CSNK2A1: variants seen among roughly 807,000 people sequenced by gnomAD.
The protein encoded by CSNK2A1 is casein kinase 2 alpha 1.
A neutral mutation model predicts 62.9 loss-of-function variants in CSNK2A1; 10 were observed. The ratio of observed to expected loss-of-function variants is 0.16; its 90% CI spans 0.10 to 0.27. The LOEUF is 0.27. Among genes scored for constraint, CSNK2A1 ranks in the 10% least tolerant of loss-of-function variants. The pLI is 1.00. For synonymous variants in CSNK2A1, 124 were observed against 167.8 expected, an observed-to-expected ratio of 0.74 and a Z score of 2.02; for missense variants, 160 against 492.0, an observed-to-expected ratio of 0.33 and a Z score of 6.38.
At position 482,184 on chromosome 20, in the gene CSNK2A1, G is replaced by A. The variant is rs536910026; in HGVS notation, c.*1777C>T. 1 of 152,244 alleles carries A rather than the reference G, an allele frequency of 6.6e-6. No homozygotes were observed. The highest frequency in any genetic ancestry group is 1.9e-4 in the East Asian group (1 of 5,188). 9.4% of individuals were successfully genotyped at this position (152,244 alleles called of 1,614,324 possible). ...TATCTATGATGCCTAGGCGAGAAAG[G>A]CCTGTGAATCTATAAGGTAGGAGAA... is the stretch of plus-strand genomic sequence containing the variant. On this transcript the variant is annotated 3_prime_UTR_variant, in exon 14 of 14. Transcript: ENST00000217244.
At chr20:486,312 C>T in intron 13 of CSNK2A1, 64 bp downstream of exon 13, 3 of 1,589,250 alleles carry the variant, frequency 1.9e-6, no homozygotes, top group Admixed American at 3.4e-5. Flanking sequence ...GAAATCAGAC[C>T]ACAAAGCTAA....
chr20:482,811 A>G lies in CSNK2A1; in HGVS notation c.*1150T>C, dbSNP rs1024898281. ...AGCAAGGGGTGGCGGGGCTGTAACA[A>G]GAGAGTTTATAGTTTTCCCACAATT... is the stretch of plus-strand genomic sequence containing the variant. On this transcript the variant is annotated 3_prime_UTR_variant, in exon 14 of 14. Transcript: ENST00000217244. 6.6e-6 allele frequency: 1 copy of G among 152,652 alleles called. No individual in the cohort carries two copies. Among genetic ancestry groups the G allele is most frequent in the South Asian group, 2.1e-4 (1 of 4,832 alleles). The allele number at this position is 152,652 out of a possible 1,614,324, so 9.5% of individuals were successfully genotyped here.
intron 2 of CSNK2A1, among the ~76,000 whole-genome samples, chr20:518,036 G>A (rs989200748): frequency 6.6e-6 from 1 of 152,146 alleles, no homozygotes; most frequent in Non-Finnish European, 1.5e-5. Context: ...CACAATCGTA[G>A]CTCACTGCCA....
At chr20:503,915 C>G (rs112182742) in intron 4 of CSNK2A1, among the ~76,000 whole-genome samples, 2 of 152,198 alleles carry the variant, frequency 1.3e-5, no homozygotes, top group South Asian at 4.1e-4. Flanking sequence ...CAGTGGCTCA[C>G]GCCTGTAATC....
intron 1 of CSNK2A1, among the ~76,000 whole-genome samples, chr20:531,923 A>G (rs2122643823): frequency 6.6e-6 from 1 of 152,360 alleles, no homozygotes; most frequent in Non-Finnish European, 1.5e-5. Context: ...TTAGAAAATA[A>G]GAACTTGAAT....
intron 4 of CSNK2A1, chr20:501,524 T>C (rs2018469645): frequency 2.0e-5 from 3 of 152,244 alleles, no homozygotes; most frequent in Non-Finnish European, 4.4e-5. Flanking sequence ...TCTTAACATA[T>C]AAATCAATAT....
intron 8 of CSNK2A1, among the ~76,000 whole-genome samples, chr20:493,736 A>G (rs990671697): frequency 2.0e-5 from 3 of 152,220 alleles, no homozygotes; most frequent in Admixed American, 1.3e-4. Context: ...TCAACAAGAT[A>G]TAGAACTGTT....
intron 2 of CSNK2A1, among the ~76,000 whole-genome samples, chr20:511,703 TACAC>T (rs61288887): frequency 0.4 from 60,838 of 150,912 alleles, 14,177 homozygotes; most frequent in African/African-American, 0.63. Context: ...TGTATATATA[TACAC>T]ACACACACAC....
chr20:489,071 T>G (rs962952476), intron 10 of CSNK2A1: 15 of 294,650 alleles, frequency 5.1e-5, no homozygotes, highest in African/African-American at 3.1e-4. Context: ...CTCAAACTAC[T>G]CACCACTACT....
intron 8 of CSNK2A1, among the ~76,000 whole-genome samples, chr20:493,792 C>T (rs2018288146): frequency 6.6e-6 from 1 of 152,174 alleles, no homozygotes; most frequent in Admixed American, 6.5e-5. Flanking sequence ...CCCCTGGCAA[C>T]CCCTCTGCTC....
At chr20:530,859 CG>C (rs1323712949) in intron 1 of CSNK2A1, among the ~76,000 whole-genome samples, 1 of 152,026 alleles carries the variant, frequency 6.6e-6, no homozygotes, top group East Asian at 1.9e-4. Flanking sequence ...CTGAGGCAGG[CG>C]GATTACCTGA....
chr20:491,304 A>G (rs927000040), intron 9 of CSNK2A1, among the ~76,000 whole-genome samples: 4 of 152,086 alleles, frequency 2.6e-5, no homozygotes, highest in African/African-American at 7.2e-5. Flanking sequence ...TGGGGAGAAG[A>G]CCTTTTTATT....
At position 476,126 on chromosome 20, in the gene CSNK2A1, G is replaced by C. The variant is rs2017844255; in HGVS notation, c.*7835C>G. On this transcript the variant is annotated 3_prime_UTR_variant, in exon 14 of 14. Coordinates refer to ENST00000217244, the MANE Select transcript of CSNK2A1 (RefSeq NM_177559.3). ...AAATTGAGCCAGGAGACAGGGTTCTGATCCCAGGCATGGGCCTTGGCAGCT... is the reference window on the plus strand; with the variant it reads ...AAATTGAGCCAGGAGACAGGGTTCTCATCCCAGGCATGGGCCTTGGCAGCT... 1 of 152,424 alleles carries C rather than the reference G, an allele frequency of 6.6e-6. No individual in the cohort carries two copies. The highest frequency in any genetic ancestry group is 1.5e-5 in the Non-Finnish European group (1 of 68,200). 9.4% of individuals were successfully genotyped at this position (152,424 alleles called of 1,614,324 possible).
chr20:536,272 A>G (rs928851203), intron 1 of CSNK2A1, among the ~76,000 whole-genome samples: 5 of 152,228 alleles, frequency 3.3e-5, no homozygotes, highest in Admixed American at 3.3e-4. Flanking sequence ...AAATGAAAAT[A>G]AAGAATGAAG....
intron 2 of CSNK2A1, among the ~76,000 whole-genome samples, chr20:519,167 A>G (rs1447966525): frequency 6.6e-6 from 1 of 151,280 alleles, no homozygotes; most frequent in Non-Finnish European, 1.5e-5. Flanking sequence ...TGAACTTCTG[A>G]CCTCAAGTGA....
rs1225143921 is a variant in CSNK2A1, at chr20:505,138, C to T, written c.193G>A (p.Val65Ile). The change falls in exon 4 of 14, where the codon GTT becomes ATT. Residue 65 changes from valine (V) to isoleucine (I), a missense_variant. Transcript: ENST00000217244. Reference sequence around the variant, plus strand: ...CTCACCTTGAGAATTTTAACAACAACTTTTTCATTATTTGTGATGTTGATG... The same window carrying T: ...CTCACCTTGAGAATTTTAACAACAATTTTTTCATTATTTGTGATGTTGATG... ...EAINITNNEKVVVKILKPVKK... is the reference protein window; with the variant it reads ...EAINITNNEKIVVKILKPVKK... 1 of 1,612,158 alleles carries T rather than the reference C, an allele frequency of 6.2e-7. No homozygotes were observed. Among genetic ancestry groups the T allele is most frequent in the Admixed American group, 1.7e-5 (1 of 59,806 alleles).
intron 2 of CSNK2A1, among the ~76,000 whole-genome samples, chr20:521,016 C>T (rs550581161): frequency 5.9e-5 from 9 of 152,228 alleles, no homozygotes; most frequent in East Asian, 1.9e-4. Flanking sequence ...ATTATCAAAC[C>T]TTCTTGCAAC....
intron 2 of CSNK2A1, among the ~76,000 whole-genome samples, chr20:521,622 T>C (rs1308049039): frequency 6.6e-6 from 1 of 152,206 alleles, no homozygotes; most frequent in Non-Finnish European, 1.5e-5. Flanking sequence ...TAAGGCAGCT[T>C]TATTCATAAT....
intron 2 of CSNK2A1, among the ~76,000 whole-genome samples, chr20:514,193 A>C (rs758919509): frequency 1.3e-4 from 20 of 151,740 alleles, no homozygotes; most frequent in Non-Finnish European, 2.2e-4. Flanking sequence ...ATAACATAAA[A>C]ATGAGCTGGG....
Sources: gnomAD v4.1 joint callset for allele counts (sites outside exome capture counted in the v4.1 genomes callset) on GRCh38, gnomAD v4.1.1 for gene constraint, MANE v1.5 for transcripts, NCBI Gene and HGNC (gene_info 2026-07-23, HGNC 2026-07-21) for gene names.